The following APIP variants were observed in gnomAD, a reference collection of about 807,000 sequenced individuals.
APIP encodes APAF1 interacting protein, also known as methylthioribulose-1-phosphate dehydratase.
Under a neutral mutation model 32.0 loss-of-function variants are expected in APIP, and 32 were observed. The ratio of observed to expected loss-of-function variants is 1.00; its 90% CI spans 0.76 to 1.34. The LOEUF is 1.34. APIP is among the 40% of genes most tolerant of loss of function. The probability of loss-of-function intolerance (pLI) is 0.00; values close to 1 mark genes in which losing one functional copy is unlikely to be tolerated. For missense variants in APIP, 247 were observed against 298.6 expected (o/e 0.83, Z 1.27); for synonymous variants, 92 against 94.8 (o/e 0.97, Z 0.17).
At chr11:34,914,413 A>G (rs1301544375) in intron 1 of APIP, among the ~76,000 whole-genome samples, 1 of 152,164 alleles carries the variant, frequency 6.6e-6, no homozygotes, top group African/African-American at 2.4e-5. Context: ...GTCTCTTTCC[A>G]TTGCCCATGA....
intron 1 of APIP, among the ~76,000 whole-genome samples, chr11:34,902,672 G>A (rs577677546): frequency 1.3e-4 from 20 of 152,238 alleles, no homozygotes; most frequent in African/African-American, 4.6e-4. Context: ...GAAACTCAGG[G>A]AGCTAAAACT....
chr11:34,888,961 C>A (rs376602554), intron 3 of APIP, 92 bp from the exon 4 acceptor site: 2 of 683,300 alleles, frequency 2.9e-6, no homozygotes, highest in African/African-American at 1.9e-5. Flanking sequence ...CATAAGAATA[C>A]AAGAAAGTTT....
At chr11:34,895,741 T>C (rs1424374101) in intron 1 of APIP, among the ~76,000 whole-genome samples, 1 of 109,860 alleles carries the variant, frequency 9.1e-6, no homozygotes, top group East Asian at 3.2e-4. Context: ...TATGAGTGTA[T>C]GTGTGTGTAT....
At chr11:34,909,148 A>G (rs1446976364) in intron 1 of APIP, among the ~76,000 whole-genome samples, 1 of 152,038 alleles carries the variant, frequency 6.6e-6, no homozygotes, top group African/African-American at 2.4e-5. Flanking sequence ...GGGTGAGAAA[A>G]CTGAAGGAGA....
chr11:34,886,957 A>C (rs546964771), intron 5 of APIP, among the ~76,000 whole-genome samples: 6 of 152,282 alleles, frequency 3.9e-5, no homozygotes, highest in African/African-American at 1.4e-4. Flanking sequence ...CTGTATTTTA[A>C]AGCTGTTCTT....
At chr11:34,897,446 G>A (rs1251268060) in intron 1 of APIP, among the ~76,000 whole-genome samples, 3 of 152,156 alleles carry the variant, frequency 2.0e-5, no homozygotes, top group Non-Finnish European at 4.4e-5. Flanking sequence ...ATTTTAAAGA[G>A]CTGAAAATTC....
At position 34,916,041 on chromosome 11, in the gene APIP, C is replaced by T. The variant is rs1590720112; in HGVS notation, c.57+187G>A. The T allele has an allele frequency of 1.9e-5, 14 of 736,674 alleles. No individual in the cohort carries two copies. The East Asian group carries it at 4.0e-4, about 21-fold the overall frequency. 45.6% of individuals were successfully genotyped at this position (736,674 alleles called of 1,614,324 possible). A position where few individuals can be genotyped will look rare whatever the true frequency, so the allele number is the denominator to read the frequency against. The stretch of plus-strand genomic sequence containing the variant: ...GCGCCCCGCCCGAGACCACTGATCT[C>T]CTGGGGCCTCGCAGCCTTGCTTCCG... On this transcript the variant is annotated intron_variant, in intron 1 of 6. Transcript: ENST00000395787.
intron 1 of APIP, among the ~76,000 whole-genome samples, chr11:34,906,415 T>G (rs1319896949): frequency 1.3e-5 from 2 of 152,214 alleles, no homozygotes; most frequent in Non-Finnish European, 2.9e-5. Flanking sequence ...GGGGAGGGCA[T>G]GCACATGACA....
In APIP at chr11:34,883,398, C is replaced by G. The variant is rs1327197430; in HGVS notation, c.568G>C (p.Val190Leu). Reference sequence around the variant, plus strand: ...TATACTCCATGACGTCTGACCAGTACTGCACAGGAGTCTGGGTATTCATTC... The same window carrying G: ...TATACTCCATGACGTCTGACCAGTAGTGCACAGGAGTCTGGGTATTCATTC... ...AMNEYPDSCA[V>L]LVRRHGVYVW... Residue 190 changes from valine (V) to leucine (L), a missense_variant, in exon 6 of 7, where the codon GTA becomes CTA. Coordinates refer to ENST00000395787, the MANE Select transcript of APIP (RefSeq NM_015957.4). The G allele has an allele frequency of 1.2e-6, 2 of 1,613,972 alleles. No homozygotes were observed. The highest frequency in any genetic ancestry group is 1.7e-6 in the Non-Finnish European group (2 of 1,179,946).
At chr11:34,907,145 A>G (rs565736645) in intron 1 of APIP, among the ~76,000 whole-genome samples, 34 of 152,342 alleles carry the variant, frequency 2.2e-4, no homozygotes, top group Middle Eastern at 3.4e-3. Context: ...AGGGAATATT[A>G]CAGGAGTTAT....
At chr11:34,899,566 C>T (rs927492298) in intron 1 of APIP, among the ~76,000 whole-genome samples, 3 of 152,204 alleles carry the variant, frequency 2.0e-5, no homozygotes, top group Non-Finnish European at 2.9e-5. Context: ...ATCTAGCATA[C>T]CCCCTCCATT....
At chr11:34,898,653 T>A (rs1666943229) in intron 1 of APIP, among the ~76,000 whole-genome samples, 1 of 151,932 alleles carries the variant, frequency 6.6e-6, no homozygotes, top group Admixed American at 6.5e-5. Flanking sequence ...GAACAGAGGG[T>A]TCCTTTCCTC....
intron 1 of APIP, among the ~76,000 whole-genome samples, chr11:34,906,586 TAC>T (rs1354020414): frequency 6.6e-6 from 1 of 152,192 alleles, no homozygotes; most frequent in Non-Finnish European, 1.5e-5. Context: ...GACAGCAATC[TAC>T]AGACTCTTTC....
At chr11:34,909,575 G>A (rs61105538) in intron 1 of APIP, among the ~76,000 whole-genome samples, 1 of 152,110 alleles carries the variant, frequency 6.6e-6, no homozygotes, top group African/African-American at 2.4e-5. Context: ...AGAGAGGCAA[G>A]TACTCCAGGC....
chr11:34,915,252 C>G (rs571867971), intron 1 of APIP, among the ~76,000 whole-genome samples: 15 of 152,282 alleles, frequency 9.9e-5, no homozygotes, highest in African/African-American at 3.6e-4. Context: ...AGTTACCTGT[C>G]CTGTCTCCAA....
intron 1 of APIP, among the ~76,000 whole-genome samples, chr11:34,910,142 A>G (rs1853523921): frequency 6.6e-6 from 1 of 152,212 alleles, no homozygotes; most frequent in Non-Finnish European, 1.5e-5. Flanking sequence ...CCAGACAACA[A>G]AGTTGTGCAA....
intron 3 of APIP, 79 bp from the exon 4 acceptor site, chr11:34,888,948 A>G (rs966952663): frequency 4.1e-6 from 3 of 737,150 alleles, no homozygotes; most frequent in Admixed American, 3.5e-5. Flanking sequence ...TTGTGTACAT[A>G]TACATAAGAA....
intron 5 of APIP, among the ~76,000 whole-genome samples, chr11:34,886,082 T>C (rs192714696): frequency 4.0e-4 from 61 of 152,260 alleles, no homozygotes; most frequent in African/African-American, 1.4e-3. Context: ...CTTCTACTTA[T>C]ATGGTTTTTA....
intron 1 of APIP, among the ~76,000 whole-genome samples, chr11:34,910,699 G>A (rs1245897690): frequency 6.6e-6 from 1 of 151,944 alleles, no homozygotes; most frequent in Non-Finnish European, 1.5e-5. Context: ...TTTGTGCCAG[G>A]CATTTTTCTA....
Sources: gnomAD v4.1 joint callset for allele counts (sites outside exome capture counted in the v4.1 genomes callset) on GRCh38, gnomAD v4.1.1 for gene constraint, MANE v1.5 for transcripts, NCBI Gene and HGNC (gene_info 2026-07-23, HGNC 2026-07-21) for gene names.